The following FAT2 variants were observed in gnomAD, a reference collection of about 807,000 sequenced individuals.
FAT2 encodes protocadherin Fat 2.
A neutral mutation model predicts 295.3 loss-of-function variants in FAT2; 150 were observed. That is an observed-to-expected ratio of 0.51 (90% CI 0.44 to 0.58). The LOEUF is 0.58. Among genes scored for constraint, FAT2 ranks in the 20% least tolerant of loss-of-function variants. The pLI is 0.00. For synonymous variants in FAT2, 2,026 were observed against 2,150.3 expected (o/e 0.94, Z 1.60); for missense variants, 4,868 against 5,442.7 (o/e 0.89, Z 3.32).
chr5:151,546,267 C>G lies in FAT2; in HGVS notation c.4860G>C (p.Gln1620His). Residue 1620 changes from glutamine (Q) to histidine (H), a missense_variant, in exon 10 of 24, where the codon CAG becomes CAC. Gln to His is a conservative substitution (Grantham distance 24). Transcript: ENST00000261800. ...GIITLAQKLDQANHAPHTLTV... is the reference protein window; with the variant it reads ...GIITLAQKLDHANHAPHTLTV... ...TCAGAGTATGTGGGGCATGATTTGC[C>G]TGATCAAGCTTTTGAGCTAGAGTAA... 1 of 1,614,140 alleles carries G rather than the reference C, an allele frequency of 6.2e-7. No homozygotes were observed. The highest frequency in any genetic ancestry group is 8.5e-7 in the Non-Finnish European group (1 of 1,180,008).
In FAT2 at chr5:151,528,129, G is replaced by A. The variant is rs779568062; in HGVS notation, c.10031C>T (p.Ser3344Leu). ...ALVGDVILTV[S>L]ATDEDGPLNS... ...TAGGGGTCCATCTTCATCAGTCGCTGATACCTGCGGTGGGGTAGGGGGATT... is the reference window on the plus strand; with the variant it reads ...TAGGGGTCCATCTTCATCAGTCGCTAATACCTGCGGTGGGGTAGGGGGATT... The change falls in exon 16 of 24, where the codon TCA (serine) becomes TTA (leucine). Residue 3344 changes from serine to leucine, a missense_variant. This residue lies in a region of FAT2 where 1,046 missense variants were observed against 1,210.1 expected (regional missense o/e 0.86). Transcript: ENST00000261800. The A allele has an allele frequency of 6.2e-7, 1 of 1,613,930 alleles. No individual in the cohort carries two copies. The highest frequency in any genetic ancestry group is 8.5e-7 in the Non-Finnish European group (1 of 1,179,882).
chr5:151,521,308 C>T lies in FAT2; in HGVS notation c.11285G>A (p.Arg3762Gln), dbSNP rs755862145. ...STARLSILTP[R>Q]HHLQRSCSCN... ...GGAGCAGCTCCTCTGCAGGTGGTGC[C>T]GCGGGGTTAGGATGCTGAGCCTGGC... Residue 3762 changes from arginine (R) to glutamine (Q), a missense_variant, in exon 19 of 24, where the codon CGG (arginine) becomes CAG (glutamine). Around this residue, in one of 5 missense-constraint regions of FAT2, gnomAD observed 1,046 missense variants for 1,210.1 expected, o/e 0.86. Coordinates refer to ENST00000261800, the MANE Select transcript of FAT2 (RefSeq NM_001447.3). 7 of 1,611,794 alleles carry T rather than the reference C, an allele frequency of 4.3e-6. No homozygotes were observed. The Admixed American group carries it at 5.0e-5, about 12-fold the overall frequency.
rs1429858707 is a variant in FAT2 at position 151,543,645 on chromosome 5, T to G, written c.7482A>C (p.Ala2494=). The part of the protein sequence containing the change: ...HLYEAELAEN[A]MVGTKVIDLL... ...AATCAATCACCTTGGTTCCAACCAT[T>G]GCATTCTCTGCTAATTCTGCCTCAT... Residue 2494 remains alanine, a synonymous_variant, in exon 10 of 24, where the codon GCA becomes GCC. Coordinates refer to ENST00000261800, the MANE Select transcript of FAT2 (RefSeq NM_001447.3). 5.6e-6 allele frequency: 9 copies of G among 1,614,218 alleles called. No homozygotes were observed. The highest frequency in any genetic ancestry group is 7.6e-6 in the Non-Finnish European group (9 of 1,180,036).
In FAT2 at chr5:151,505,199, T is replaced by A; in HGVS notation, c.*366A>T. 3.0e-6 allele frequency: 1 copy of A among 337,896 alleles called. No individual in the cohort carries two copies. Among genetic ancestry groups the A allele is most frequent in the South Asian group, 3.2e-5 (1 of 31,232 alleles). 20.9% of individuals were successfully genotyped at this position (337,896 alleles called of 1,614,324 possible). On this transcript the variant is annotated 3_prime_UTR_variant, in exon 24 of 24. Coordinates refer to ENST00000261800, the MANE Select transcript of FAT2 (RefSeq NM_001447.3). ...TGTGGGCAGGTATGAGAATGCATCT[T>A]GGTGAAGTTGAGCCAGCACAGTCAA...
chr5:151,505,550 T>A lies in FAT2; in HGVS notation c.*15A>T. 1 of 1,613,890 alleles carries A rather than the reference T, an allele frequency of 6.2e-7. No individual in the cohort carries two copies. Among genetic ancestry groups the A allele is most frequent in the Non-Finnish European group, 8.5e-7 (1 of 1,179,932 alleles). On this transcript the variant is annotated 3_prime_UTR_variant, in exon 24 of 24. Coordinates refer to ENST00000261800, the MANE Select transcript of FAT2 (RefSeq NM_001447.3). Reference sequence around the variant, plus strand: ...GTCCTTGGCCTCCCGCCTGCCTTGCTCTGGGAATGGGAAGCTAGAACATGA... The same window carrying A: ...GTCCTTGGCCTCCCGCCTGCCTTGCACTGGGAATGGGAAGCTAGAACATGA...
intron 13 of FAT2, 36 bp from the exon 14 acceptor site, chr5:151,532,006 G>A (rs375449364): frequency 2.5e-5 from 40 of 1,607,588 alleles, no homozygotes; most frequent in Non-Finnish European, 3.4e-5. Context: ...CCACACTGAG[G>A]GCGCCTCCTC....
intron 6 of FAT2, 88 bp from the exon 7 acceptor site, chr5:151,551,694 G>A: frequency 4.9e-6 from 7 of 1,419,556 alleles, no homozygotes; most frequent in Middle Eastern, 3.6e-4. Context: ...AGGCTCAGAG[G>A]ACACGGTGGT....
Position 151,544,167 on chromosome 5 carries a change from C to T in FAT2, c.6960G>A (p.Lys2320=). ...CTGTGCTCCCATTGATCTGGAAGAA[C>T]TTGGAAACATCTGAGCCATCCTCCA... ...QIVEDGSDVS[K]FFQINGSTGE... The change falls in exon 10 of 24, where the codon AAG becomes AAA. Residue 2320 remains lysine (K), a synonymous_variant. Coordinates refer to ENST00000261800, the MANE Select transcript of FAT2 (RefSeq NM_001447.3). 6.2e-7 allele frequency: 1 copy of T among 1,614,200 alleles called. No homozygotes were observed. Among genetic ancestry groups the T allele is most frequent in the Non-Finnish European group, 8.5e-7 (1 of 1,180,026 alleles).
At chr5:151,580,904 C>T (rs1430733733) in intron 1 of FAT2, among the ~76,000 whole-genome samples, 2 of 152,220 alleles carry the variant, frequency 1.3e-5, no homozygotes, top group African/African-American at 2.4e-5. Context: ...AATAAATGGC[C>T]TTCCAAGGAT....
In FAT2 at chr5:151,525,903, C is replaced by T. The variant is rs1296711659; in HGVS notation, c.10371G>A (p.Glu3457=). Reference sequence around the variant, plus strand: ...TTCGAAACGAGTAGGGGGGGCCATTCTCTGGAGAATCTGGGTCACTCAGGA... The same window carrying T: ...TTCGAAACGAGTAGGGGGGGCCATTTTCTGGAGAATCTGGGTCACTCAGGA... ...QLILSDPDSP[E]NGPPYSFRIT... is the part of the protein sequence containing the mutation. The change falls in exon 18 of 24, where the codon GAG becomes GAA. Residue 3457 remains glutamate (E), a synonymous_variant. Transcript: ENST00000261800. 2 of 1,614,200 alleles carry T rather than the reference C, an allele frequency of 1.2e-6. No individual in the cohort carries two copies. The highest frequency in any genetic ancestry group is 1.7e-6 in the Non-Finnish European group (2 of 1,180,036).
At chr5:151,514,003 G>T (rs1465750892) in intron 20 of FAT2, among the ~76,000 whole-genome samples, 3 of 152,128 alleles carry the variant, frequency 2.0e-5, no homozygotes, top group Admixed American at 2.0e-4. Context: ...TTCCCAAGAG[G>T]TAGGACTGCC....
intron 12 of FAT2, among the ~76,000 whole-genome samples, chr5:151,537,349 AAAAAAG>A (rs1755521792): frequency 3.5e-5 from 3 of 86,214 alleles, no homozygotes; most frequent in Non-Finnish European, 9.8e-5. Flanking sequence ...AAAAGAAAAG[AAAAAAG>A]AAGGAAGGAA....
intron 1 of FAT2, among the ~76,000 whole-genome samples, chr5:151,585,629 T>C (rs1332507755): frequency 1.3e-5 from 2 of 152,124 alleles, no homozygotes; most frequent in African/African-American, 4.8e-5. Flanking sequence ...AAAATATATA[T>C]ATATCAGCTG....
chr5:151,505,698 C>A lies in FAT2; in HGVS notation c.12917G>T (p.Gly4306Val), dbSNP rs1432976811. The A allele has an allele frequency of 1.2e-6, 2 of 1,613,950 alleles. No homozygotes were observed. Among genetic ancestry groups the A allele is most frequent in the Non-Finnish European group, 1.7e-6 (2 of 1,179,968 alleles). The change falls in exon 24 of 24, where the codon GGG becomes GTG. Residue 4306 changes from glycine to valine, a missense_variant. Coordinates refer to ENST00000261800, the MANE Select transcript of FAT2 (RefSeq NM_001447.3). ...CACCTCACAGACAGCATAAGAGGGCCCAGCTCGGCTGAGGCGCATACCCAC... is the reference window on the plus strand; with the variant it reads ...CACCTCACAGACAGCATAAGAGGGCACAGCTCGGCTGAGGCGCATACCCAC... Reference protein sequence around the residue: ...KGVGMRLSRAGPSYAVCEVEG... With the variant: ...KGVGMRLSRAVPSYAVCEVEG...
chr5:151,547,848 A>G (rs1460994490), intron 9 of FAT2, among the ~76,000 whole-genome samples: 3 of 152,204 alleles, frequency 2.0e-5, no homozygotes, highest in Non-Finnish European at 4.4e-5. Context: ...AGGGAAAGAC[A>G]GAAAATCATT....
In FAT2 at chr5:151,540,681, C is replaced by A. The variant is rs2127602613; in HGVS notation, c.8925G>T (p.Glu2975Asp). 1 of 1,614,228 alleles carries A rather than the reference C, an allele frequency of 6.2e-7. No homozygotes were observed. The highest frequency in any genetic ancestry group is 2.2e-5 in the East Asian group (1 of 44,892). Residue 2975 changes from glutamate to aspartate, a missense_variant, in exon 11 of 24, where the codon GAG becomes GAT. Glu to Asp is a conservative substitution (Grantham distance 45). Transcript: ENST00000261800. The stretch of plus-strand genomic sequence containing the variant: ...CTCTGAGCAAGTACTTGGCTGTATG[C>A]TCGCGGTCCAGGGTCTTCCTTGAGG... ...RISSRKTLDR[E>D]HTAKYLLRVT...
At chr5:151,562,998 C>T (rs1205423579) in intron 3 of FAT2, among the ~76,000 whole-genome samples, 1 of 152,142 alleles carries the variant, frequency 6.6e-6, no homozygotes, top group African/African-American at 2.4e-5. Flanking sequence ...CTCAGGTTGA[C>T]CAATGGGCAA....
chr5:151,571,873 A>G (rs1758541965), intron 1 of FAT2, among the ~76,000 whole-genome samples: 1 of 152,186 alleles, frequency 6.6e-6, no homozygotes, highest in Non-Finnish European at 1.5e-5. Flanking sequence ...CTTAGATTAA[A>G]ATAGAAACTC....
At position 151,531,817 on chromosome 5, in the gene FAT2, G is replaced by A. The variant is rs1294406209; in HGVS notation, c.9581C>T (p.Thr3194Ile). Residue 3194 changes from threonine to isoleucine, a missense_variant, in exon 14 of 24, where the codon ACC becomes ATC. By Grantham distance (89) the Thr-to-Ile change is moderately conservative. Around this residue, in one of 5 missense-constraint regions of FAT2, gnomAD observed 1,046 missense variants for 1,210.1 expected, o/e 0.86. Transcript: ENST00000261800. This position sits in a 1 kb window ranked among gnomAD's most constrained non-coding sequence, Gnocchi z 5.7. Reference protein sequence around the residue: ...ELTVRASDLGTPIPLSTLGTV... With the variant: ...ELTVRASDLGIPIPLSTLGTV... Reference sequence around the variant, plus strand: ...GCCCAGCGTGGACAGCGGTATTGGGGTGCCCAGGTCAGAGGCACGGACCGT... The same window carrying A: ...GCCCAGCGTGGACAGCGGTATTGGGATGCCCAGGTCAGAGGCACGGACCGT... 1.2e-6 allele frequency: 2 copies of A among 1,613,646 alleles called. No individual in the cohort carries two copies. The highest frequency in any genetic ancestry group is 1.7e-6 in the Non-Finnish European group (2 of 1,180,026).
Sources: allele counts gnomAD v4.1 joint callset (sites outside exome capture counted in the v4.1 genomes callset), GRCh38; gene constraint gnomAD v4.1.1; regional missense constraint gnomAD v4.1.1; non-coding constraint Gnocchi (gnomAD v3.1); transcripts MANE v1.5; gene names NCBI Gene and HGNC (gene_info 2026-07-23, HGNC 2026-07-21).